The following PPP2R5E variants were observed in gnomAD, a reference collection of about 807,000 sequenced individuals.
The protein encoded by PPP2R5E is protein phosphatase 2 regulatory subunit B'epsilon, also known as serine/threonine-protein phosphatase 2A 56 kDa regulatory subunit epsilon isoform.
A neutral mutation model predicts 65.3 loss-of-function variants in PPP2R5E; 4 were observed. The observed-to-expected ratio is 0.06, with a 90% CI of 0.03 to 0.14. The LOEUF (loss-of-function observed/expected upper bound fraction) is 0.14, where lower values mean the gene tolerates loss of function less well. Ranked by LOEUF, PPP2R5E falls within the 10% of genes least tolerant of loss-of-function variation. The pLI, the probability that PPP2R5E is intolerant of heterozygous loss-of-function variation, is 1.00. For synonymous variants in PPP2R5E, 183 were observed against 187.4 expected (o/e 0.98, Z 0.19); for missense variants, 274 against 556.1 (o/e 0.49, Z 5.10).
intron 5 of PPP2R5E, among the ~76,000 whole-genome samples, chr14:63,404,172 G>T (rs1011618066): frequency 2.6e-5 from 4 of 152,098 alleles, no homozygotes; most frequent in Non-Finnish European, 5.9e-5. Context: ...TTAAAAGTAG[G>T]CATTATCAAA....
chr14:63,534,501 T>C (rs763647457), intron 2 of PPP2R5E, among the ~76,000 whole-genome samples: 1 of 152,178 alleles, frequency 6.6e-6, no homozygotes, highest in African/African-American at 2.4e-5. Flanking sequence ...TGACCTCAAA[T>C]GACCCGCCCC....
chr14:63,503,576 G>A (rs1367970495), intron 2 of PPP2R5E, among the ~76,000 whole-genome samples: 1 of 152,024 alleles, frequency 6.6e-6, no homozygotes, highest in Non-Finnish European at 1.5e-5. Flanking sequence ...AGCAGTAAGG[G>A]CAAAAAACAC....
At position 63,396,576 on chromosome 14, in the gene PPP2R5E, C is replaced by T. The variant is rs778070488; in HGVS notation, c.680+10G>A. 5 of 1,610,592 alleles carry T rather than the reference C, an allele frequency of 3.1e-6. No homozygotes were observed. The highest frequency in any genetic ancestry group is 4.2e-6 in the Non-Finnish European group (5 of 1,179,032). On this transcript the variant is annotated intron_variant, in intron 6 of 13. Coordinates refer to ENST00000337537, the MANE Select transcript of PPP2R5E (RefSeq NM_006246.5). The stretch of plus-strand genomic sequence containing the variant: ...TGCTTCTCCTTCTTCCCCCATCACA[C>T]TCCACTTACCTTAGAAAAATATTGT...
At chr14:63,379,364 C>G (rs777423100) in intron 13 of PPP2R5E, among the ~76,000 whole-genome samples, 3 of 152,064 alleles carry the variant, frequency 2.0e-5, no homozygotes, top group Non-Finnish European at 2.9e-5. Flanking sequence ...CTCCCCTTCC[C>G]GGGTTCAAGT....
chr14:63,395,321 A>AGAG (rs769010037), intron 6 of PPP2R5E, 36 bp from the exon 7 acceptor site: 1 of 1,440,048 alleles, frequency 6.9e-7, no homozygotes, highest in Non-Finnish European at 9.7e-7. Context: ...AGAAAGGAGG[A>AGAG]GAGGAGGAGG....
chr14:63,487,801 A>G (rs1032707623), intron 2 of PPP2R5E, among the ~76,000 whole-genome samples: 4 of 152,130 alleles, frequency 2.6e-5, no homozygotes, highest in African/African-American at 9.7e-5. Context: ...CCTCACATTG[A>G]TCATCTCAAC....
intron 4 of PPP2R5E, among the ~76,000 whole-genome samples, chr14:63,421,528 A>T (rs1242511312): frequency 6.6e-6 from 1 of 152,226 alleles, no homozygotes; most frequent in East Asian, 1.9e-4. Context: ...CAGTACTGTG[A>T]ACGAAATAGC....
At chr14:63,447,883 G>T (rs752716697) in intron 3 of PPP2R5E, among the ~76,000 whole-genome samples, 1 of 152,100 alleles carries the variant, frequency 6.6e-6, no homozygotes, top group Non-Finnish European at 1.5e-5. Flanking sequence ...GAATAGGGAG[G>T]CCTGAGAAGA....
intron 10 of PPP2R5E, among the ~76,000 whole-genome samples, chr14:63,391,041 T>C (rs1884988934): frequency 6.6e-6 from 1 of 152,200 alleles, no homozygotes; most frequent in Admixed American, 6.5e-5. Flanking sequence ...CACAGCAAGA[T>C]CCACCTATAC....
At chr14:63,469,419 G>A (rs1335301743) in intron 2 of PPP2R5E, among the ~76,000 whole-genome samples, 2 of 152,190 alleles carry the variant, frequency 1.3e-5, no homozygotes, top group African/African-American at 2.4e-5. Context: ...GTGGCCGGGC[G>A]CGGTGGCTCA....
Position 63,372,107 on chromosome 14 carries a change from G to C in PPP2R5E, c.*3902C>G, listed in dbSNP as rs563279705. 3 of 151,950 alleles carry C rather than the reference G, an allele frequency of 2.0e-5. No homozygotes were observed. Among genetic ancestry groups the C allele is most frequent in the South Asian group, 2.1e-4 (1 of 4,816 alleles). The allele number at this position is 151,950 out of a possible 1,614,324, so 9.4% of individuals were successfully genotyped here. A position where few individuals can be genotyped will look rare whatever the true frequency, so the allele number is the denominator to read the frequency against. ...AGAGAGAAAAAAAAAAGAGAAAGGTGGGGGAAGGAGGGAGGGAAGGAAGAA... is the reference window on the plus strand; with the variant it reads ...AGAGAGAAAAAAAAAAGAGAAAGGTCGGGGAAGGAGGGAGGGAAGGAAGAA... On this transcript the variant is annotated 3_prime_UTR_variant, in exon 14 of 14. Coordinates refer to ENST00000337537, the MANE Select transcript of PPP2R5E (RefSeq NM_006246.5).
At chr14:63,489,144 G>A (rs908477647) in intron 2 of PPP2R5E, among the ~76,000 whole-genome samples, 2 of 151,818 alleles carry the variant, frequency 1.3e-5, no homozygotes, top group Non-Finnish European at 2.9e-5. Flanking sequence ...TTTTGGTTTT[G>A]TTCTTGCTTT....
At chr14:63,415,011 T>TTATATATA (rs111300116) in intron 5 of PPP2R5E, 129 bp downstream of exon 5, 1 of 388,382 alleles carries the variant, frequency 2.6e-6, no homozygotes, top group African/African-American at 2.2e-5. Flanking sequence ...TAACTTATGT[T>TTATATATA]TATATATATA....
intron 2 of PPP2R5E, among the ~76,000 whole-genome samples, chr14:63,460,175 T>C (rs992159774): frequency 6.6e-6 from 1 of 152,182 alleles, no homozygotes; most frequent in Non-Finnish European, 1.5e-5. Flanking sequence ...CATAAAGCAC[T>C]GTACTAAGCT....
chr14:63,391,393 CAGTTTTGCTT>C (rs1282516916), intron 10 of PPP2R5E, among the ~76,000 whole-genome samples: 8 of 142,638 alleles, frequency 5.6e-5, no homozygotes, highest in African/African-American at 1.7e-4. Flanking sequence ...TGAGATGATG[CAGTTTTGCTT>C]TGTTTTGTTT....
intron 3 of PPP2R5E, among the ~76,000 whole-genome samples, chr14:63,436,282 A>G (rs1566701077): frequency 1.3e-5 from 2 of 152,244 alleles, no homozygotes; most frequent in Admixed American, 1.3e-4. Context: ...CTAATGCTCA[A>G]ACAAAAATTA....
intron 2 of PPP2R5E, among the ~76,000 whole-genome samples, chr14:63,513,454 TA>T (rs1892542671): frequency 6.6e-6 from 1 of 152,190 alleles, no homozygotes; most frequent in South Asian, 2.1e-4. Context: ...TCATGTTACA[TA>T]AAACTTTGGA....
intron 2 of PPP2R5E, among the ~76,000 whole-genome samples, chr14:63,533,638 T>C (rs964592927): frequency 1.1e-4 from 16 of 150,374 alleles, no homozygotes; most frequent in Non-Finnish European, 1.6e-4. Flanking sequence ...TATAATGAAT[T>C]GTGAGACAAG....
intron 3 of PPP2R5E, among the ~76,000 whole-genome samples, chr14:63,433,431 C>T (rs1305368144): frequency 6.6e-6 from 1 of 152,136 alleles, no homozygotes; most frequent in Non-Finnish European, 1.5e-5. Context: ...TCCTTACCAC[C>T]TGTTCATGCC....
Sources: allele counts gnomAD v4.1 joint callset (sites outside exome capture counted in the v4.1 genomes callset), GRCh38; gene constraint gnomAD v4.1.1; transcripts MANE v1.5; gene names NCBI Gene and HGNC (gene_info 2026-07-23, HGNC 2026-07-21).